BICRA: variants seen among roughly 807,000 people sequenced by gnomAD.
BICRA encodes BRD4 interacting chromatin remodeling complex associated protein.
Under a neutral mutation model 96.9 loss-of-function variants are expected in BICRA, and 31 were observed. The observed-to-expected ratio is 0.32, with a 90% CI of 0.24 to 0.43. BICRA has a LOEUF of 0.43. BICRA is among the 20% of genes least tolerant of loss of function. BICRA has a pLI of 1.00. For synonymous variants in BICRA, 1,350 were observed against 1,071.8 expected (o/e 1.26, Z -5.07); for missense variants, 2,283 against 2,190.3 (o/e 1.04, Z -0.84).
In BICRA at chr19:47,680,071, C is replaced by T. The variant is rs748949915; in HGVS notation, c.901C>T (p.Leu301Phe). 1.0e-4 allele frequency: 164 copies of T among 1,564,446 alleles called. 1 individual carries two copies. In the South Asian group the frequency reaches 1.8e-3, roughly 17 times the overall value. ...CCTCTCGGCCGCTGTGGCCACCACGCTCAATGGGAACTCTGTGTTCGGAGG... is the reference window on the plus strand; with the variant it reads ...CCTCTCGGCCGCTGTGGCCACCACGTTCAATGGGAACTCTGTGTTCGGAGG... The part of the protein sequence containing the change: ...KNLSAAVATT[L>F]NGNSVFGGAG... Residue 301 changes from leucine to phenylalanine, a missense_variant, in exon 6 of 15, where the codon CTC (leucine) becomes TTC (phenylalanine). Transcript: ENST00000594866.
At chr19:47,649,735 A>G (rs529487866) in intron 1 of BICRA, among the ~76,000 whole-genome samples, 2 of 152,302 alleles carry the variant, frequency 1.3e-5, no homozygotes, top group East Asian at 1.9e-4. Context: ...GTAGGGATCA[A>G]AAGTAAAAAG....
intron 1 of BICRA, among the ~76,000 whole-genome samples, chr19:47,618,944 G>A (rs1165841497): frequency 6.6e-6 from 1 of 152,170 alleles, no homozygotes; most frequent in Admixed American, 6.5e-5. Context: ...TGTCCACAGC[G>A]CCTGCCTCAC....
intron 7 of BICRA, among the ~76,000 whole-genome samples, chr19:47,689,374 G>T (rs1241236990): frequency 6.6e-6 from 1 of 151,574 alleles, no homozygotes; most frequent in East Asian, 1.9e-4. Context: ...AGAGTGCTGG[G>T]ATTACAGGCA....
intron 1 of BICRA, among the ~76,000 whole-genome samples, chr19:47,644,863 TCA>T (rs1457721110): frequency 2.0e-5 from 3 of 152,190 alleles, no homozygotes; most frequent in Non-Finnish European, 2.9e-5. Flanking sequence ...TCTGCAGGTC[TCA>T]GTTTACTCTT....
intron 1 of BICRA, among the ~76,000 whole-genome samples, chr19:47,646,360 G>T (rs2161622): frequency 6.6e-6 from 1 of 152,016 alleles, no homozygotes; most frequent in African/African-American, 2.4e-5. Flanking sequence ...TCCAGAAATC[G>T]CCAGCCCCTC....
rs1187668282 is a variant in BICRA, at chr19:47,701,511, C to T, written c.3779C>T (p.Thr1260Ile). The T allele has an allele frequency of 2.6e-6, 4 of 1,548,580 alleles. No individual in the cohort carries two copies. The South Asian group carries it at 3.6e-5, about 14-fold the overall frequency. The change falls in exon 15 of 15, where the codon ACC (threonine) becomes ATC (isoleucine). Residue 1260 changes from threonine (T) to isoleucine (I), a missense_variant. Transcript: ENST00000594866. This position sits in a 1 kb window ranked among gnomAD's most constrained non-coding sequence, Gnocchi z 5.4. ...GGGGCAGGCGGCTCCCCTTCGGTCA[C>T]CTGGGCCCGGGCGTCCTCCTCCCTG... ...HGGAGGSPSV[T>I]WARASSSLSS... is the part of the protein sequence containing the mutation.
intron 7 of BICRA, among the ~76,000 whole-genome samples, chr19:47,685,786 T>TGTGTGTGTGCGCGCGCGCGCGCGC: frequency 8.5e-6 from 1 of 117,930 alleles, no homozygotes; most frequent in Non-Finnish European, 1.7e-5. Flanking sequence ...TGTGTGTGTG[T>TGTGTGTGTGCGCGCGCGCGCGCGC]GCGCGCGCGC....
chr19:47,646,530 A>T (rs2123542371), intron 1 of BICRA, among the ~76,000 whole-genome samples: 1 of 152,220 alleles, frequency 6.6e-6, no homozygotes, highest in Admixed American at 6.5e-5. Flanking sequence ...TAGCCCGGGG[A>T]TTTGAGAATA....
intron 1 of BICRA, among the ~76,000 whole-genome samples, chr19:47,615,505 C>T (rs965724918): frequency 5.9e-5 from 9 of 152,188 alleles, no homozygotes; most frequent in Admixed American, 3.3e-4. Context: ...CCTGTTGGTT[C>T]TAATCCCAGT....
intron 1 of BICRA, among the ~76,000 whole-genome samples, chr19:47,630,407 C>T (rs890620750): frequency 2.0e-5 from 3 of 151,464 alleles, no homozygotes; most frequent in Non-Finnish European, 2.9e-5. Flanking sequence ...CTCCTGACCT[C>T]GTGATCTGCC....
At chr19:47,692,139 C>T (rs2914431) in intron 7 of BICRA, among the ~76,000 whole-genome samples, 67,052 of 151,924 alleles carry the variant, frequency 0.44, 15,392 homozygotes, top group East Asian at 0.66. Flanking sequence ...GACTCAGCGA[C>T]GCACCTGCCA....
At chr19:47,681,388 G>A in intron 6 of BICRA, 112 bp downstream of exon 6, 1 of 941,700 alleles carries the variant, frequency 1.1e-6, no homozygotes, top group Non-Finnish European at 1.6e-6. Context: ...TGGCAGCTGG[G>A]GGGGGAAGGT....
At chr19:47,697,571 G>A (rs936089550) in intron 11 of BICRA, among the ~76,000 whole-genome samples, 1 of 152,048 alleles carries the variant, frequency 6.6e-6, no homozygotes, top group Non-Finnish European at 1.5e-5. Flanking sequence ...TCTGCCTCCT[G>A]GGTTCAAGTG....
At chr19:47,624,297 A>G (rs552925665) in intron 1 of BICRA, among the ~76,000 whole-genome samples, 1 of 152,064 alleles carries the variant, frequency 6.6e-6, no homozygotes, top group Admixed American at 6.6e-5. Flanking sequence ...CCTGCACTGT[A>G]CTCTGCCCAG....
intron 1 of BICRA, among the ~76,000 whole-genome samples, chr19:47,643,873 C>T (rs993108783): frequency 8.5e-5 from 13 of 152,124 alleles, no homozygotes; most frequent in Admixed American, 8.5e-4. Flanking sequence ...CACCACTGAC[C>T]TGGGGGGGTT....
chr19:47,681,988 C>T lies in BICRA; in HGVS notation c.2119C>T (p.Gln707Ter). The change falls in exon 7 of 15, where the codon CAG becomes TAG. Residue 707 changes from glutamine to a stop codon, truncating the protein, a stop_gained. Coordinates refer to ENST00000594866, the MANE Select transcript of BICRA (RefSeq NM_001394372.1). LOFTEE classifies it high-confidence loss of function. Reference protein sequence around the residue: ...QMFLPQERSQQPLSAEGPHLS... With the variant: ...QMFLPQERSQ ...CTGCCCGTTGCAGGAGAGGAGCCAG[C>T]AGCCCCTCTCCGCAGAGGGCCCCCA... 6.4e-7 allele frequency: 1 copy of T among 1,564,956 alleles called. No homozygotes were observed. Among genetic ancestry groups the T allele is most frequent in the Non-Finnish European group, 8.6e-7 (1 of 1,160,270 alleles).
At chr19:47,683,548 G>A (rs1973097768) in intron 7 of BICRA, among the ~76,000 whole-genome samples, 1 of 151,400 alleles carries the variant, frequency 6.6e-6, no homozygotes, top group African/African-American at 2.4e-5. Context: ...TAACCATTAT[G>A]CTTACGAGTC....
At chr19:47,678,043 G>A (rs1972967828) in intron 5 of BICRA, among the ~76,000 whole-genome samples, 1 of 152,064 alleles carries the variant, frequency 6.6e-6, no homozygotes, top group African/African-American at 2.4e-5. Context: ...GAGCTTTTTG[G>A]GTTTTGTAAT....
chr19:47,701,613 G>A lies in BICRA; in HGVS notation c.3881G>A (p.Arg1294His), dbSNP rs1038534172. 6.4e-6 allele frequency: 10 copies of A among 1,564,350 alleles called. No homozygotes were observed. Among genetic ancestry groups the A allele is most frequent in the Admixed American group, 5.7e-5 (3 of 52,430 alleles). ...DEDGPMPSRN[R>H]PPIKTYEARS... ...GACGGCCCCATGCCCTCCCGCAACC[G>A]CCCGCCCATCAAGACCTACGAGGCC... Residue 1294 changes from arginine to histidine, a missense_variant, in exon 15 of 15, where the codon CGC (arginine) becomes CAC (histidine). Physicochemically the swap from Arg to His is conservative, Grantham distance 29. Coordinates refer to ENST00000594866, the MANE Select transcript of BICRA (RefSeq NM_001394372.1). The surrounding 1 kb of genome is among the most constrained non-coding windows in gnomAD (Gnocchi z 5.4).
Sources: allele counts gnomAD v4.1 joint callset (sites outside exome capture counted in the v4.1 genomes callset), GRCh38; gene constraint gnomAD v4.1.1; non-coding constraint Gnocchi (gnomAD v3.1); transcripts MANE v1.5; gene names NCBI Gene and HGNC (gene_info 2026-07-23, HGNC 2026-07-21).